UVRAG: variants seen among roughly 807,000 people sequenced by gnomAD.
UVRAG encodes UV radiation resistance associated.
UVRAG carries 19 observed loss-of-function variants against 78.0 expected under a neutral mutation model. That is an observed-to-expected ratio of 0.24 (90% CI 0.17 to 0.36). UVRAG has a LOEUF of 0.36. Among genes scored for constraint, UVRAG ranks in the 10% least tolerant of loss-of-function variants. The pLI, the probability that UVRAG is intolerant of heterozygous loss-of-function variation, is 1.00. For synonymous variants in UVRAG, 323 were observed against 324.6 expected (o/e 1.00, Z 0.05); for missense variants, 740 against 853.8 (o/e 0.87, Z 1.66).
At chr11:75,932,476 G>A (rs1403256712) in intron 6 of UVRAG, among the ~76,000 whole-genome samples, 1 of 151,876 alleles carries the variant, frequency 6.6e-6, no homozygotes, top group African/African-American at 2.4e-5. Flanking sequence ...AGCAGGGATG[G>A]GGTTACACCA....
chr11:75,815,813 C>T (rs1275020582), intron 1 of UVRAG, among the ~76,000 whole-genome samples: 1 of 152,162 alleles, frequency 6.6e-6, no homozygotes, highest in Middle Eastern at 3.2e-3. Context: ...AGGCCGCCTC[C>T]CCCAACGCAG....
intron 8 of UVRAG, among the ~76,000 whole-genome samples, chr11:75,991,766 A>G (rs1949610968): frequency 6.6e-6 from 1 of 152,154 alleles, no homozygotes; most frequent in Admixed American, 6.5e-5. Flanking sequence ...TTCTGGTTGT[A>G]TATTTGCCTA....
Position 76,123,421 on chromosome 11 carries a change from A to AGAAG in UVRAG, c.1397+7411_1397+7414dup, listed in dbSNP as rs1439953879. Among the ~76,000 whole-genome samples the AGAAG allele has an allele frequency of 3.3e-5, 5 of 152,224 alleles. No individual in the cohort carries two copies. In the East Asian group the frequency reaches 9.6e-4, roughly 29 times the overall value. ...ATTGGTTAAGAAACAGGAACACTGA[A>AGAAG]GAAGGAAGCACGTGGGTCGGGTGAG... On this transcript the variant is annotated intron_variant, in intron 14 of 14. Transcript: ENST00000356136.
chr11:75,894,623 C>A (rs985348689), intron 5 of UVRAG, among the ~76,000 whole-genome samples: 6 of 151,816 alleles, frequency 4.0e-5, no homozygotes, highest in Non-Finnish European at 1.5e-5. Context: ...ACTTTGGTCT[C>A]AAACCCCTGA....
chr11:75,840,547 C>A (rs1450849876), intron 1 of UVRAG, among the ~76,000 whole-genome samples: 1 of 152,122 alleles, frequency 6.6e-6, no homozygotes. Flanking sequence ...TGTTGAGAAG[C>A]CTGTTTTATA....
chr11:75,877,421 G>A (rs1381720138), intron 3 of UVRAG, among the ~76,000 whole-genome samples: 1 of 151,860 alleles, frequency 6.6e-6, no homozygotes, highest in South Asian at 2.1e-4. Flanking sequence ...TCCCAGTAGG[G>A]GCGGCCGGGC....
At chr11:75,940,773 T>C (rs1238286484) in intron 6 of UVRAG, among the ~76,000 whole-genome samples, 1 of 152,184 alleles carries the variant, frequency 6.6e-6, no homozygotes, top group Non-Finnish European at 1.5e-5. Context: ...TTATCCCCAT[T>C]TTGCAGATGA....
At chr11:76,044,977 A>G (rs1026047773) in intron 12 of UVRAG, among the ~76,000 whole-genome samples, 5 of 152,152 alleles carry the variant, frequency 3.3e-5, no homozygotes, top group Non-Finnish European at 7.3e-5. Flanking sequence ...AAGCTGATTC[A>G]TGCTGCAGAA....
chr11:75,853,916 G>T (rs1384297036), intron 2 of UVRAG, among the ~76,000 whole-genome samples: 1 of 151,778 alleles, frequency 6.6e-6, no homozygotes, highest in Non-Finnish European at 1.5e-5. Flanking sequence ...GGGATTACAG[G>T]TGCCTGCCAC....
At chr11:75,879,183 G>A (rs779755492) in intron 3 of UVRAG, among the ~76,000 whole-genome samples, 6 of 152,084 alleles carry the variant, frequency 3.9e-5, no homozygotes, top group Non-Finnish European at 8.8e-5. Flanking sequence ...TTCCCTCCTA[G>A]CAAAAGGCAT....
chr11:75,824,281 G>GAA (rs1261390318), intron 1 of UVRAG, among the ~76,000 whole-genome samples: 2 of 152,004 alleles, frequency 1.3e-5, no homozygotes, highest in African/African-American at 4.8e-5. Context: ...AATGATATGA[G>GAA]GAAGCCTCAG....
intron 5 of UVRAG, among the ~76,000 whole-genome samples, chr11:75,901,225 C>T (rs1182996223): frequency 6.6e-6 from 1 of 152,170 alleles, no homozygotes; most frequent in Non-Finnish European, 1.5e-5. Context: ...AAAAAGTATA[C>T]TCATTGCATC....
chr11:76,142,178 C>T lies in UVRAG; in HGVS notation c.*765C>T, dbSNP rs1327063653. The T allele has an allele frequency of 6.6e-6, 1 of 152,204 alleles. No homozygotes were observed. Among genetic ancestry groups the T allele is most frequent in the Non-Finnish European group, 1.5e-5 (1 of 68,042 alleles). 9.4% of individuals were successfully genotyped at this position (152,204 alleles called of 1,614,324 possible). Reference sequence around the variant, plus strand: ...GTGGATCCCAAGGGACCCTCAAGGACCTCGAGGTTACTGCAGTCAGATGCC... The same window carrying T: ...GTGGATCCCAAGGGACCCTCAAGGATCTCGAGGTTACTGCAGTCAGATGCC... On this transcript the variant is annotated 3_prime_UTR_variant, in exon 15 of 15. Transcript: ENST00000356136.
intron 2 of UVRAG, among the ~76,000 whole-genome samples, chr11:75,853,017 C>T (rs1946190755): frequency 6.6e-6 from 1 of 152,054 alleles, no homozygotes; most frequent in Non-Finnish European, 1.5e-5. Flanking sequence ...CTCAAATGAT[C>T]CTCCTGCCTC....
At chr11:75,850,598 A>G (rs1565345097) in intron 1 of UVRAG, among the ~76,000 whole-genome samples, 1 of 152,212 alleles carries the variant, frequency 6.6e-6, no homozygotes, top group Non-Finnish European at 1.5e-5. Flanking sequence ...TGAACAGAGG[A>G]GCAGGATTGT....
chr11:76,001,377 G>C (rs1182516352), intron 8 of UVRAG, among the ~76,000 whole-genome samples: 3 of 152,074 alleles, frequency 2.0e-5, no homozygotes, highest in Non-Finnish European at 4.4e-5. Flanking sequence ...AATAATCTAA[G>C]CTTGTACCTT....
intron 14 of UVRAG, among the ~76,000 whole-genome samples, chr11:76,135,297 A>G (rs1035404542): frequency 1.3e-5 from 2 of 152,208 alleles, no homozygotes; most frequent in African/African-American, 4.8e-5. Context: ...CACTGTCTCT[A>G]GAGCTGAAGA....
intron 13 of UVRAG, among the ~76,000 whole-genome samples, chr11:76,087,324 G>A (rs1951605434): frequency 6.6e-6 from 1 of 152,326 alleles, no homozygotes; most frequent in Admixed American, 6.5e-5. Flanking sequence ...GAGCAGTATG[G>A]TAGGTAGTGT....
At chr11:75,869,354 A>G (rs897084213) in intron 3 of UVRAG, among the ~76,000 whole-genome samples, 3 of 152,204 alleles carry the variant, frequency 2.0e-5, no homozygotes, top group African/African-American at 4.8e-5. Flanking sequence ...AATCTTTGGG[A>G]AAAAAACTGG....
Sources: allele counts gnomAD v4.1 joint callset (sites outside exome capture counted in the v4.1 genomes callset), GRCh38; gene constraint gnomAD v4.1.1; transcripts MANE v1.5; gene names NCBI Gene and HGNC (gene_info 2026-07-23, HGNC 2026-07-21).